The following PAFAH1B1 variants were observed in gnomAD, a reference collection of about 807,000 sequenced individuals.
The protein encoded by PAFAH1B1 is platelet activating factor acetylhydrolase 1b regulatory subunit 1.
Under a neutral mutation model 57.5 loss-of-function variants are expected in PAFAH1B1, and 2 were observed. The ratio of observed to expected loss-of-function variants is 0.03; its 90% CI spans 0.01 to 0.11. PAFAH1B1 has a LOEUF of 0.11. Ranked by LOEUF, PAFAH1B1 falls within the 10% of genes least tolerant of loss-of-function variation. The pLI, the probability that PAFAH1B1 is intolerant of heterozygous loss-of-function variation, is 1.00. For missense variants in PAFAH1B1, 257 were observed against 512.0 expected, an observed-to-expected ratio of 0.50 and a Z score of 4.81; for synonymous variants, 152 against 169.6, an observed-to-expected ratio of 0.90 and a Z score of 0.81.
At chr17:2,643,574 C>G (rs1032707285) in intron 2 of PAFAH1B1, among the ~76,000 whole-genome samples, 4 of 150,754 alleles carry the variant, frequency 2.7e-5, no homozygotes, top group African/African-American at 7.3e-5. Flanking sequence ...TTTCTCTTCC[C>G]CCGGAGACAG....
chr17:2,660,422 G>GC (rs888567140), intron 2 of PAFAH1B1, among the ~76,000 whole-genome samples: 3 of 151,888 alleles, frequency 2.0e-5, no homozygotes, highest in East Asian at 1.9e-4. Context: ...CCACCAACAG[G>GC]CCCGGGTGTG....
intron 1 of PAFAH1B1, among the ~76,000 whole-genome samples, chr17:2,624,835 G>T (rs141701770): frequency 1.6e-4 from 24 of 152,258 alleles, no homozygotes; most frequent in African/African-American, 5.5e-4. Flanking sequence ...GAGCCACTGT[G>T]CCCGGCCTCT....
chr17:2,662,673 G>A (rs186777459), intron 2 of PAFAH1B1, among the ~76,000 whole-genome samples: 2 of 152,060 alleles, frequency 1.3e-5, no homozygotes, highest in East Asian at 1.9e-4. Context: ...CCAAAGTGCT[G>A]GAATTACATG....
intron 2 of PAFAH1B1, 119 bp downstream of exon 2, chr17:2,638,439 A>G: frequency 1.2e-6 from 1 of 801,554 alleles, no homozygotes; most frequent in Admixed American, 2.1e-5. Context: ...CCAGTGTTCC[A>G]ATATTAGTTT....
intron 1 of PAFAH1B1, among the ~76,000 whole-genome samples, chr17:2,628,009 C>T (rs1220409933): frequency 6.6e-6 from 1 of 152,164 alleles, no homozygotes; most frequent in Non-Finnish European, 1.5e-5. Context: ...GGTAAACGAT[C>T]ATATCGTCAG....
intron 6 of PAFAH1B1, among the ~76,000 whole-genome samples, chr17:2,671,240 ACT>A (rs1168369036): frequency 6.6e-6 from 1 of 151,180 alleles, no homozygotes. Context: ...ACTGTGTCTC[ACT>A]CTGTCGCCCA....
chr17:2,600,625 T>C (rs898035345), intron 1 of PAFAH1B1, among the ~76,000 whole-genome samples: 1 of 151,768 alleles, frequency 6.6e-6, no homozygotes, highest in Non-Finnish European at 1.5e-5. Flanking sequence ...TATACTAGTG[T>C]TTTATCTATT....
chr17:2,655,803 G>C (rs1006824583), intron 2 of PAFAH1B1, among the ~76,000 whole-genome samples: 3 of 152,052 alleles, frequency 2.0e-5, no homozygotes, highest in African/African-American at 7.2e-5. Context: ...AAAAATAGAA[G>C]AGGAAAGCAG....
chr17:2,611,577 A>G (rs2068267348), intron 1 of PAFAH1B1, among the ~76,000 whole-genome samples: 1 of 152,110 alleles, frequency 6.6e-6, no homozygotes. Context: ...GTGAATCAGG[A>G]CTCATGCTGG....
At chr17:2,679,614 ATGGATGATTGGATGAT>A (rs369109513) in intron 9 of PAFAH1B1, 5 of 80,742 alleles carry the variant, frequency 6.2e-5, no homozygotes, top group African/African-American at 1.7e-4. Context: ...GGGTGGATGG[ATGGATGATTGGATGAT>A]TGGATGGATG....
chr17:2,650,579 G>A (rs1162759795), intron 2 of PAFAH1B1, among the ~76,000 whole-genome samples: 1 of 147,790 alleles, frequency 6.8e-6, no homozygotes, highest in East Asian at 2.0e-4. Context: ...TCAGTGGGAG[G>A]ATCCTGGGAG....
chr17:2,647,380 A>C lies in PAFAH1B1; in HGVS notation c.32+9060A>C, dbSNP rs964708451. Among the ~76,000 whole-genome samples, 4 of 151,424 alleles carry C rather than the reference A, an allele frequency of 2.6e-5. 1 individual carries two copies. Among genetic ancestry groups the C allele is most frequent in the Non-Finnish European group, 4.4e-5 (3 of 67,862 alleles). On this transcript the variant is annotated intron_variant, in intron 2 of 10. Coordinates refer to ENST00000397195, the MANE Select transcript of PAFAH1B1 (RefSeq NM_000430.4). ...GACTGTCTCAGAAAAATAAAAATAC[A>C]AAAATTAGCTGGGCATGGTGGCACA...
In PAFAH1B1 at chr17:2,594,023, C is replaced by G; in HGVS notation, c.-191+17C>G. 2.5e-6 allele frequency: 1 copy of G among 398,230 alleles called. No homozygotes were observed. Among genetic ancestry groups the G allele is most frequent in the Non-Finnish European group, 4.4e-6 (1 of 226,094 alleles). 24.7% of individuals were successfully genotyped at this position (398,230 alleles called of 1,614,324 possible). On this transcript the variant is annotated intron_variant, in intron 1 of 10. Coordinates refer to ENST00000397195, the MANE Select transcript of PAFAH1B1 (RefSeq NM_000430.4). ...AGCGCTCCGGTAAGGCGGCGCGGGT[C>G]TGCGCCCTCCCCTCTGTCTCCTCCA...
rs546991516 is a variant in PAFAH1B1, at chr17:2,626,624, G to A, written c.-190-11475G>A. On this transcript the variant is annotated intron_variant, in intron 1 of 10. Coordinates refer to ENST00000397195, the MANE Select transcript of PAFAH1B1 (RefSeq NM_000430.4). ...AGCTGGAGTGCAGTGGCGCGATCTTGGCTCACTGCAACCTCTGACTCCCTG... is the reference window on the plus strand; with the variant it reads ...AGCTGGAGTGCAGTGGCGCGATCTTAGCTCACTGCAACCTCTGACTCCCTG... Among the ~76,000 whole-genome samples the A allele has an allele frequency of 3.6e-4, 50 of 137,636 alleles. 2 individuals are homozygous for A. The South Asian group carries it at 0.011, about 31-fold the overall frequency. 90.3% of individuals were successfully genotyped at this position (137,636 alleles called of 152,430 possible). A position where few individuals can be genotyped will look rare whatever the true frequency, so the allele number is the denominator to read the frequency against.
At chr17:2,676,219 A>G (rs1327610176) in intron 8 of PAFAH1B1, 2 of 365,312 alleles carry the variant, frequency 5.5e-6, no homozygotes, top group African/African-American at 4.2e-5. Context: ...CTCTACTAAA[A>G]ATACAAAAAT....
At chr17:2,635,309 G>A (rs1385760355) in intron 1 of PAFAH1B1, 3 of 152,118 alleles carry the variant, frequency 2.0e-5, no homozygotes, top group Admixed American at 1.3e-4. Flanking sequence ...ATTTATGTAT[G>A]TGTTTTATCA....
chr17:2,620,862 C>CA (rs1567531895), intron 1 of PAFAH1B1, among the ~76,000 whole-genome samples: 1 of 150,540 alleles, frequency 6.6e-6, no homozygotes, highest in South Asian at 2.1e-4. Flanking sequence ...AACTCTGTCT[C>CA]AAAAAAAAAG....
At chr17:2,638,410 A>G in intron 2 of PAFAH1B1, 90 bp downstream of exon 2, 3 of 1,033,336 alleles carry the variant, frequency 2.9e-6, no homozygotes, top group Non-Finnish European at 4.5e-6. Context: ...GGTCTCTTCT[A>G]AGATTAAAAC....
At chr17:2,655,891 G>C (rs996432860) in intron 2 of PAFAH1B1, among the ~76,000 whole-genome samples, 3 of 152,116 alleles carry the variant, frequency 2.0e-5, no homozygotes, top group Admixed American at 1.3e-4. Flanking sequence ...TTGGAGGTCA[G>C]CTGAAGGATG....
Sources: gnomAD v4.1 joint callset for allele counts (sites outside exome capture counted in the v4.1 genomes callset) on GRCh38, gnomAD v4.1.1 for gene constraint, MANE v1.5 for transcripts, NCBI Gene and HGNC (gene_info 2026-07-23, HGNC 2026-07-21) for gene names.